Variants in MAP3K4 observed in about 807,000 individuals in gnomAD.
MAP3K4 encodes the protein MAP three kinase 1.
MAP3K4 carries 67 observed loss-of-function variants against 185.6 expected under a neutral mutation model. The ratio of observed to expected loss-of-function variants is 0.36; its 90% confidence interval spans 0.30 to 0.44. The LOEUF is 0.44. Ranked by LOEUF, MAP3K4 falls within the 20% of genes least tolerant of loss-of-function variation. The probability of loss-of-function intolerance (pLI) is 1.00; values close to 1 mark genes in which losing one functional copy is unlikely to be tolerated. For synonymous variants in MAP3K4, 702 were observed against 710.4 expected (o/e 0.99, Z 0.19); for missense variants, 1,551 against 1,995.1 (o/e 0.78, Z 4.24).
At chr6:160,997,234 T>G (rs532885523) in intron 1 of MAP3K4, among the ~76,000 whole-genome samples, 1 of 152,200 alleles carries the variant, frequency 6.6e-6, no homozygotes, top group African/African-American at 2.4e-5. Context: ...CCCCACCCAG[T>G]ATTCTCCCCA....
rs1784893032 is a variant in MAP3K4, at chr6:161,070,579, A to T, written c.1708-29A>T. On this transcript the variant is annotated intron_variant, in intron 3 of 26. Coordinates refer to ENST00000392142, the MANE Select transcript of MAP3K4 (RefSeq NM_005922.4). This position sits in a 1 kb window ranked among gnomAD's most constrained non-coding sequence, Gnocchi z 4.5. ...AGAACGTTGTCTCGTATGCTCTTTT[A>T]ATCTGTGCCTGTTGAATTTTTGTTA... The T allele has an allele frequency of 6.2e-7, 1 of 1,606,440 alleles. No homozygotes were observed. Among genetic ancestry groups the T allele is most frequent in the African/African-American group, 1.3e-5 (1 of 74,530 alleles).
At chr6:161,052,233 G>T (rs1171951069) in intron 3 of MAP3K4, among the ~76,000 whole-genome samples, 1 of 150,600 alleles carries the variant, frequency 6.6e-6, no homozygotes, top group Non-Finnish European at 1.5e-5. Context: ...TACTAATGAG[G>T]ATTGTATCCC....
intron 1 of MAP3K4, among the ~76,000 whole-genome samples, chr6:161,016,221 T>G (rs937671209): frequency 3.3e-5 from 5 of 152,202 alleles, no homozygotes; most frequent in Non-Finnish European, 7.3e-5. Flanking sequence ...AAAATTGAAT[T>G]TTAAGAGTTC....
At position 161,074,299 on chromosome 6, in the gene MAP3K4, A is replaced by G. The variant is rs768436475; in HGVS notation, c.2097+687A>G. The stretch of plus-strand genomic sequence containing the variant: ...TAGACCTATTTTTATTTTGTCATAA[A>G]AAGAGACCTCCTGTCTTCTCACTTA... On this transcript the variant is annotated intron_variant, in intron 5 of 26. Coordinates refer to ENST00000392142, the MANE Select transcript of MAP3K4 (RefSeq NM_005922.4). This position sits in a 1 kb window ranked among gnomAD's most constrained non-coding sequence, Gnocchi z 5.0. 5.9e-5 allele frequency among the ~76,000 whole-genome samples: 9 copies of G among 152,210 alleles called. No homozygotes were observed. The highest frequency in any genetic ancestry group is 1.0e-4 in the Non-Finnish European group (7 of 68,038).
At position 161,110,164 on chromosome 6, in the gene MAP3K4, C is replaced by A. The variant is rs1390703971; in HGVS notation, c.4396+250C>A. ...ATCTGTTTTCCCAAAATGAAGTTTGCTATTTTTATAAGCTGATTTGGCATA... is the reference window on the plus strand; with the variant it reads ...ATCTGTTTTCCCAAAATGAAGTTTGATATTTTTATAAGCTGATTTGGCATA... On this transcript the variant is annotated intron_variant, in intron 23 of 26. Transcript: ENST00000392142. This position sits in a 1 kb window ranked among gnomAD's most constrained non-coding sequence, Gnocchi z 4.8. Among the ~76,000 whole-genome samples the A allele has an allele frequency of 3.3e-5, 5 of 152,176 alleles. No homozygotes were observed.
At chr6:161,036,146 A>C (rs956231392) in intron 2 of MAP3K4, among the ~76,000 whole-genome samples, 9 of 152,228 alleles carry the variant, frequency 5.9e-5, no homozygotes, top group Non-Finnish European at 1.3e-4. Flanking sequence ...TGCGAGAGAT[A>C]GAGGGAAAGG....
intron 1 of MAP3K4, among the ~76,000 whole-genome samples, chr6:161,033,129 A>C (rs1462623037): frequency 6.6e-6 from 1 of 152,180 alleles, no homozygotes; most frequent in East Asian, 1.9e-4. Context: ...ATGACTTTGA[A>C]ATAGCTTTGA....
chr6:161,050,804 T>C (rs1157406680), intron 3 of MAP3K4, among the ~76,000 whole-genome samples: 1 of 152,220 alleles, frequency 6.6e-6, no homozygotes, highest in Admixed American at 6.5e-5. Flanking sequence ...TGGCTAAAAG[T>C]GAAACCCAAA....
chr6:161,007,478 T>C lies in MAP3K4; in HGVS notation c.152+15395T>C, dbSNP rs1781645033. Among the ~76,000 whole-genome samples the C allele has an allele frequency of 6.6e-6, 1 of 152,200 alleles. No homozygotes were observed. The highest frequency in any genetic ancestry group is 1.5e-5 in the Non-Finnish European group (1 of 68,040). On this transcript the variant is annotated intron_variant, in intron 1 of 26. Transcript: ENST00000392142. This position sits in a 1 kb window ranked among gnomAD's most constrained non-coding sequence, Gnocchi z 4.5. Reference sequence around the variant, plus strand: ...AGAACGTGGATTTCCTATCCATTGCTCTCTTAAGGAGCACAGGGCTCAGAT... The same window carrying C: ...AGAACGTGGATTTCCTATCCATTGCCCTCTTAAGGAGCACAGGGCTCAGAT...
chr6:161,045,373 C>T (rs948574427), intron 2 of MAP3K4, among the ~76,000 whole-genome samples: 2 of 152,126 alleles, frequency 1.3e-5, no homozygotes, highest in African/African-American at 4.8e-5. Flanking sequence ...GTTTTGTATG[C>T]TGTGAGATAA....
chr6:161,032,490 G>A (rs1169839971), intron 1 of MAP3K4, among the ~76,000 whole-genome samples: 1 of 152,162 alleles, frequency 6.6e-6, no homozygotes, highest in African/African-American at 2.4e-5. Flanking sequence ...TTTTGTAAAT[G>A]TACACAGAGA....
rs138241946 is a variant in MAP3K4, at chr6:161,061,688, G to T, written c.1708-8920G>T. ...CTTTCTGTCTCTTAATATTTGCCTA[G>T]CCATATAAATGTGGTCATATGGTAT... On this transcript the variant is annotated intron_variant, in intron 3 of 26. Transcript: ENST00000392142. This position sits in a 1 kb window ranked among gnomAD's most constrained non-coding sequence, Gnocchi z 4.2. Among the ~76,000 whole-genome samples the T allele has an allele frequency of 2.2e-4, 33 of 152,310 alleles. No homozygotes were observed. The highest frequency in any genetic ancestry group is 3.8e-4 in the Non-Finnish European group (26 of 68,026).
Position 161,091,408 on chromosome 6 carries a change from A to G in MAP3K4, c.3003A>G (p.Ile1001Met), listed in dbSNP as rs747351595. Residue 1001 changes from isoleucine (I) to methionine (M), a missense_variant, in exon 12 of 27, where the codon ATA becomes ATG. Ile to Met is a conservative substitution (Grantham distance 10). Transcript: ENST00000392142. This position sits in a 1 kb window ranked among gnomAD's most constrained non-coding sequence, Gnocchi z 5.5. ...KNDALELCNR[I>M]SNAIDRVDHM... ...ATGCATTGGAGCTATGCAACAGGAT[A>G]AGCAATGCCATTGACCGCGTGGACC... 3.7e-6 allele frequency: 6 copies of G among 1,614,052 alleles called. No homozygotes were observed. The Admixed American group carries it at 6.7e-5, about 18-fold the overall frequency.
Position 161,073,412 on chromosome 6 carries a change from G to A in MAP3K4, c.1951-54G>A, listed in dbSNP as rs1785034931. 25 of 1,481,834 alleles carry A rather than the reference G, an allele frequency of 1.7e-5. No homozygotes were observed. The highest frequency in any genetic ancestry group is 1.6e-4 in the South Asian group (11 of 70,846). The allele number at this position is 1,481,834 out of a possible 1,614,324, so 91.8% of individuals were successfully genotyped here. A position where few individuals can be genotyped will look rare whatever the true frequency, so the allele number is the denominator to read the frequency against. On this transcript the variant is annotated intron_variant, in intron 4 of 26. Transcript: ENST00000392142. This position sits in a 1 kb window ranked among gnomAD's most constrained non-coding sequence, Gnocchi z 4.2. ...ATTTAAGTAGGAAGATATAAAACAC[G>A]GATCGTCTGGTTGGAGTTTATGGCT...
chr6:161,080,864 A>G lies in MAP3K4; in HGVS notation c.2098-17A>G. ...GTTCTACTTTCAAATGTCTCCCTTT[A>G]CTTTTTGTGTTTTAAGGTGTATTTT... On this transcript the variant is annotated splice_polypyrimidine_tract_variant and intron_variant, in intron 5 of 26. Transcript: ENST00000392142. The surrounding 1 kb of genome is among the most constrained non-coding windows in gnomAD (Gnocchi z 4.8). 1 of 1,611,808 alleles carries G rather than the reference A, an allele frequency of 6.2e-7. No homozygotes were observed. Among genetic ancestry groups the G allele is most frequent in the Non-Finnish European group, 8.5e-7 (1 of 1,178,642 alleles).
chr6:161,016,338 A>C (rs1782111941), intron 1 of MAP3K4, among the ~76,000 whole-genome samples: 1 of 152,114 alleles, frequency 6.6e-6, no homozygotes, highest in Admixed American at 6.5e-5. Context: ...TCTTTTGCAT[A>C]AAAGTTTCTA....
At chr6:161,062,913 TTAAC>T (rs1490501598) in intron 3 of MAP3K4, among the ~76,000 whole-genome samples, 2 of 88,602 alleles carry the variant, frequency 2.3e-5, no homozygotes, top group African/African-American at 6.1e-5. Flanking sequence ...AGTGAGTTTC[TTAAC>T]TTACAGTTTC....
rs771914780 is a variant in MAP3K4 at position 161,034,761 on chromosome 6, A to C, written c.343+312A>C. ...GGTTACATGGGATAGATGGCCTTCT[A>C]TTCTTTCAGTCTCTTAGGCTGAAGT... On this transcript the variant is annotated intron_variant, in intron 2 of 26. Coordinates refer to ENST00000392142, the MANE Select transcript of MAP3K4 (RefSeq NM_005922.4). The surrounding 1 kb of genome is among the most constrained non-coding windows in gnomAD (Gnocchi z 4.4). 1.6e-4 allele frequency among the ~76,000 whole-genome samples: 24 copies of C among 152,150 alleles called. No individual in the cohort carries two copies. Among genetic ancestry groups the C allele is most frequent in the Non-Finnish European group, 2.9e-4 (20 of 68,028 alleles).
At chr6:161,069,086 G>A (rs1289241856) in intron 3 of MAP3K4, among the ~76,000 whole-genome samples, 2 of 152,178 alleles carry the variant, frequency 1.3e-5, no homozygotes. Context: ...TTTCCCATGT[G>A]TACAGCATGC....
Sources: allele counts gnomAD v4.1 joint callset (sites outside exome capture counted in the v4.1 genomes callset), GRCh38; gene constraint gnomAD v4.1.1; non-coding constraint Gnocchi (gnomAD v3.1); transcripts MANE v1.5; gene names NCBI Gene and HGNC (gene_info 2026-07-23, HGNC 2026-07-21).